Variants in NBEA observed in about 807,000 individuals in gnomAD.
The protein encoded by NBEA is neurobeachin, also known as lysosomal-trafficking regulator 2.
A neutral mutation model predicts 343.4 loss-of-function variants in NBEA; 44 were observed. The observed-to-expected ratio is 0.13, with a 90% CI of 0.10 to 0.16. NBEA has a LOEUF of 0.16. NBEA is among the 10% of genes least tolerant of loss of function. NBEA has a pLI of 1.00. For missense variants in NBEA, 2,555 were observed against 3,631.3 expected, an observed-to-expected ratio of 0.70 and a Z score of 7.62; for synonymous variants, 1,175 against 1,238.7, an observed-to-expected ratio of 0.95 and a Z score of 1.08.
rs569025857 is a variant in NBEA at position 35,553,612 on chromosome 13, T to C, written c.6807-1375T>C. On this transcript the variant is annotated intron_variant, in intron 43 of 58. Coordinates refer to ENST00000379939, the MANE Select transcript of NBEA (RefSeq NM_001385012.1). ...TCTGCCAGAGATATTTTGCAAGATA[T>C]CTTTGCAAGAGATATTTTGATAATC... Among the ~76,000 whole-genome samples the C allele has an allele frequency of 2.6e-4, 40 of 152,266 alleles. 1 individual carries two copies. In the South Asian group the frequency reaches 8.1e-3, roughly 31 times the overall value.
In NBEA at chr13:35,530,407, T is replaced by C. The variant is rs575519870; in HGVS notation, c.6586-20070T>C. On this transcript the variant is annotated intron_variant, in intron 41 of 58. Coordinates refer to ENST00000379939, the MANE Select transcript of NBEA (RefSeq NM_001385012.1). ...GATGGGGACAGCCGCCCCAGACAGGTTCATTAGATGGTGTTTTCTACAGCT... is the reference window on the plus strand; with the variant it reads ...GATGGGGACAGCCGCCCCAGACAGGCTCATTAGATGGTGTTTTCTACAGCT... Among the ~76,000 whole-genome samples, 118 of 152,112 alleles carry C rather than the reference T, an allele frequency of 7.8e-4. No individual in the cohort carries two copies. The South Asian group carries it at 0.013, about 17-fold the overall frequency.
intron 41 of NBEA, among the ~76,000 whole-genome samples, chr13:35,489,946 C>T (rs1280003173): frequency 1.3e-5 from 2 of 151,906 alleles, no homozygotes; most frequent in African/African-American, 4.8e-5. Flanking sequence ...AACCTGGCTT[C>T]ACTGTCCTAG....
chr13:35,186,842 C>G (rs1194808903), intron 30 of NBEA, among the ~76,000 whole-genome samples: 3 of 152,072 alleles, frequency 2.0e-5, no homozygotes, highest in African/African-American at 7.2e-5. Flanking sequence ...ATCACCAGTT[C>G]ACTTTCGGTG....
chr13:35,200,458 C>CA (rs5802754), intron 31 of NBEA, among the ~76,000 whole-genome samples: 89,475 of 137,000 alleles, frequency 0.65, 28,853 homozygotes, highest in East Asian at 0.9. Context: ...GAACAAAAGA[C>CA]AAAAAAAAAA....
At chr13:35,015,361 G>T (rs928208765) in intron 1 of NBEA, among the ~76,000 whole-genome samples, 1 of 152,054 alleles carries the variant, frequency 6.6e-6, no homozygotes, top group Non-Finnish European at 1.5e-5. Flanking sequence ...GTTTTAGGAA[G>T]GTGAATTTGG....
chr13:35,058,919 G>C, intron 8 of NBEA, 56 bp downstream of exon 8: 1 of 1,366,452 alleles, frequency 7.3e-7, no homozygotes, highest in Non-Finnish European at 9.8e-7. Context: ...GTAAAATGTG[G>C]TGTAATATCA....
chr13:35,139,759 T>TTG (rs1566350304), intron 17 of NBEA, among the ~76,000 whole-genome samples: 3 of 146,052 alleles, frequency 2.1e-5, no homozygotes, highest in South Asian at 2.2e-4. Flanking sequence ...TTTTTTTTTT[T>TTG]TTTTTTTTTT....
intron 18 of NBEA, among the ~76,000 whole-genome samples, chr13:35,148,089 C>T (rs1330217728): frequency 2.0e-5 from 3 of 152,032 alleles, no homozygotes; most frequent in Non-Finnish European, 4.4e-5. Context: ...GTGGGCTGGG[C>T]GAGGTTTCCA....
intron 47 of NBEA, among the ~76,000 whole-genome samples, chr13:35,602,008 G>A (rs1238684904): frequency 1.3e-5 from 2 of 152,036 alleles, no homozygotes; most frequent in Non-Finnish European, 2.9e-5. Flanking sequence ...TGAAGATTAA[G>A]AAAATATATG....
chr13:35,534,443 T>C (rs999030058), intron 41 of NBEA, among the ~76,000 whole-genome samples: 1 of 152,202 alleles, frequency 6.6e-6, no homozygotes, highest in Admixed American at 6.5e-5. Context: ...TCTTTGCAAA[T>C]GCAGTTTTAA....
intron 55 of NBEA, among the ~76,000 whole-genome samples, chr13:35,664,228 TC>T (rs1411329558): frequency 2.0e-5 from 3 of 151,832 alleles, no homozygotes; most frequent in East Asian, 3.9e-4. Flanking sequence ...ACATTTAACT[TC>T]CCCCAACCCC....
chr13:35,259,413 C>A (rs2033000135), intron 34 of NBEA, among the ~76,000 whole-genome samples: 1 of 152,080 alleles, frequency 6.6e-6, no homozygotes. Flanking sequence ...TAGCAGTGAG[C>A]AGCTGTAGTT....
chr13:35,503,181 A>G (rs964214382), intron 41 of NBEA, among the ~76,000 whole-genome samples: 2 of 151,788 alleles, frequency 1.3e-5, no homozygotes, highest in African/African-American at 2.4e-5. Flanking sequence ...CAATGTACTC[A>G]TTGGTTTTTT....
rs1406161413 is a variant in NBEA, at chr13:35,671,186, A to C, written c.*195A>C. 3 of 544,650 alleles carry C rather than the reference A, an allele frequency of 5.5e-6. No homozygotes were observed. The highest frequency in any genetic ancestry group is 1.9e-5 in the African/African-American group (1 of 53,314). 33.7% of individuals were successfully genotyped at this position (544,650 alleles called of 1,614,324 possible). A position where few individuals can be genotyped will look rare whatever the true frequency, so the allele number is the denominator to read the frequency against. On this transcript the variant is annotated 3_prime_UTR_variant, in exon 59 of 59. Transcript: ENST00000379939. ...TTTTCACGACTGAACACCAGCTGCT[A>C]TCAAGCAAGCTTATATCATGTAAAT... is the stretch of plus-strand genomic sequence containing the variant.
At position 35,398,441 on chromosome 13, in the gene NBEA, T is replaced by A. The variant is rs73169753; in HGVS notation, c.6180-33828T>A. Among the ~76,000 whole-genome samples the A allele has an allele frequency of 5.3e-3, 805 of 152,274 alleles. 6 individuals carry two copies. Among genetic ancestry groups the A allele is most frequent in the Non-Finnish European group, 7.6e-3 (518 of 68,010 alleles). On this transcript the variant is annotated intron_variant, in intron 38 of 58. Transcript: ENST00000379939. The stretch of plus-strand genomic sequence containing the variant: ...TGCCCAGATCCATCAGAGAAATCAC[T>A]AGCTATAGCATTACAAAATGTGTTT...
At chr13:35,652,340 T>TAAAA (rs35238270) in intron 53 of NBEA, among the ~76,000 whole-genome samples, 12 of 137,606 alleles carry the variant, frequency 8.7e-5, no homozygotes, top group African/African-American at 3.3e-4. Flanking sequence ...AACTTAAATT[T>TAAAA]AAAAAAAAAA....
At chr13:35,609,300 G>A (rs1461254306) in intron 48 of NBEA, among the ~76,000 whole-genome samples, 3 of 152,190 alleles carry the variant, frequency 2.0e-5, no homozygotes, top group Non-Finnish European at 4.4e-5. Context: ...CCCAGTCCCA[G>A]GACTAGGCCA....
rs185546148 is a variant in NBEA at position 35,102,307 on chromosome 13, T to A, written c.1680+3902T>A. On this transcript the variant is annotated intron_variant, in intron 11 of 58. Coordinates refer to ENST00000379939, the MANE Select transcript of NBEA (RefSeq NM_001385012.1). ...TGTGTTTCAGACAGTACAACAGTAT[T>A]TTAATTTGTATAGCTTTTTAGTATG... Among the ~76,000 whole-genome samples the A allele has an allele frequency of 9.9e-5, 15 of 151,876 alleles. No homozygotes were observed. The East Asian group carries it at 2.9e-3, about 29-fold the overall frequency.
At chr13:35,301,169 TG>T (rs937022244) in intron 35 of NBEA, among the ~76,000 whole-genome samples, 4 of 151,000 alleles carry the variant, frequency 2.6e-5, no homozygotes, top group Admixed American at 1.3e-4. Flanking sequence ...GTCCACAATA[TG>T]TTTTTTTTTT....
Sources: allele counts gnomAD v4.1 joint callset (sites outside exome capture counted in the v4.1 genomes callset), GRCh38; gene constraint gnomAD v4.1.1; transcripts MANE v1.5; gene names NCBI Gene and HGNC (gene_info 2026-07-23, HGNC 2026-07-21).